HS3ST4: variants seen among roughly 807,000 people sequenced by gnomAD.
The protein encoded by HS3ST4 is heparan sulfate-glucosamine 3-sulfotransferase 4, also known as heparan sulfate glucosamine 3-O-sulfotransferase 4.
In HS3ST4, 17 loss-of-function variants were observed where a neutral mutation model predicts 29.2. The ratio of observed to expected loss-of-function variants is 0.58; its 90% confidence interval spans 0.40 to 0.87. HS3ST4 has a LOEUF of 0.87. Among genes scored for constraint, HS3ST4 ranks in the 40% least tolerant of loss-of-function variants. HS3ST4 has a pLI of 0.00. For missense variants in HS3ST4, 627 were observed against 634.5 expected (o/e 0.99, Z 0.13); for synonymous variants, 314 against 285.7 (o/e 1.10, Z -1.00).
At chr16:26,067,236 C>T (rs12448783) in intron 1 of HS3ST4, among the ~76,000 whole-genome samples, 2,379 of 152,176 alleles carry the variant, frequency 0.016, 23 homozygotes, top group Non-Finnish European at 0.026. Context: ...CAAAGTCTCC[C>T]GCTCTTAGTC....
In HS3ST4 at chr16:25,913,662, G is replaced by A. The variant is rs553456945; in HGVS notation, c.734+220511G>A. On this transcript the variant is annotated intron_variant, in intron 1 of 1. Transcript: ENST00000331351. ...TTTGCAGGGTAGAGAAGAAAGGAAG[G>A]GTTACTAGGTTGAGAGAAAATGGAA... Among the ~76,000 whole-genome samples, 62 of 152,284 alleles carry A rather than the reference G, an allele frequency of 4.1e-4. 1 individual carries two copies. Among genetic ancestry groups the A allele is most frequent in the African/African-American group, 1.4e-3 (60 of 41,558 alleles).
chr16:25,895,572 A>G (rs1028688527), intron 1 of HS3ST4, among the ~76,000 whole-genome samples: 38 of 152,166 alleles, frequency 2.5e-4, no homozygotes, highest in Middle Eastern at 3.4e-3. Context: ...CTGTAACTGG[A>G]TGCTGTGGAC....
intron 1 of HS3ST4, among the ~76,000 whole-genome samples, chr16:25,996,002 GA>G (rs61447217): frequency 0.23 from 26,847 of 118,960 alleles, 2,409 homozygotes; most frequent in Middle Eastern, 0.26. Context: ...CTTCCTCCTT[GA>G]AAAAAAAAAA....
chr16:25,913,119 T>C (rs1372486688), intron 1 of HS3ST4, among the ~76,000 whole-genome samples: 1 of 152,226 alleles, frequency 6.6e-6, no homozygotes, highest in Non-Finnish European at 1.5e-5. Context: ...TTGGGATCCG[T>C]AGAAAGGCAG....
At chr16:25,745,994 C>T (rs982448035) in intron 1 of HS3ST4, among the ~76,000 whole-genome samples, 1 of 152,192 alleles carries the variant, frequency 6.6e-6, no homozygotes, top group East Asian at 1.9e-4. Flanking sequence ...TTAAGTTATC[C>T]TCCAGATCTT....
At chr16:25,749,002 T>C (rs1399473902) in intron 1 of HS3ST4, among the ~76,000 whole-genome samples, 1 of 152,200 alleles carries the variant, frequency 6.6e-6, no homozygotes, top group African/African-American at 2.4e-5. Context: ...CATTCCAGAG[T>C]TCGCCTATAG....
chr16:26,098,397 T>G (rs1176386698), intron 1 of HS3ST4, among the ~76,000 whole-genome samples: 1 of 152,166 alleles, frequency 6.6e-6, no homozygotes, highest in African/African-American at 2.4e-5. Context: ...TGGAATACTA[T>G]GCAGCCGTAA....
chr16:25,919,064 C>A (rs1048206193), intron 1 of HS3ST4, among the ~76,000 whole-genome samples: 1 of 152,106 alleles, frequency 6.6e-6, no homozygotes, highest in African/African-American at 2.4e-5. Flanking sequence ...CTCTCTTTGT[C>A]CCCCAGGCTG....
At chr16:25,839,190 A>G (rs558095480) in intron 1 of HS3ST4, among the ~76,000 whole-genome samples, 2 of 152,262 alleles carry the variant, frequency 1.3e-5, no homozygotes, top group Non-Finnish European at 2.9e-5. Context: ...TTCTTGGAAC[A>G]AAGATAATAT....
intron 1 of HS3ST4, among the ~76,000 whole-genome samples, chr16:26,109,057 A>G (rs1328770883): frequency 6.6e-6 from 1 of 152,158 alleles, no homozygotes; most frequent in Non-Finnish European, 1.5e-5. Flanking sequence ...GGCCTAAATT[A>G]AGTGTGGGAT....
chr16:26,091,728 G>T (rs2141789906), intron 1 of HS3ST4, among the ~76,000 whole-genome samples: 1 of 152,308 alleles, frequency 6.6e-6, no homozygotes, highest in Non-Finnish European at 1.5e-5. Flanking sequence ...ACTTAGGGAG[G>T]AAGAGAAGAA....
intron 1 of HS3ST4, among the ~76,000 whole-genome samples, chr16:26,059,247 GT>G (rs1489981336): frequency 1.3e-5 from 2 of 151,732 alleles, no homozygotes; most frequent in Non-Finnish European, 2.9e-5. Context: ...TATTTGGGCT[GT>G]TTTTTCCCTT....
chr16:25,740,590 T>C (rs1966645303), intron 1 of HS3ST4, among the ~76,000 whole-genome samples: 1 of 152,198 alleles, frequency 6.6e-6, no homozygotes, highest in South Asian at 2.1e-4. Context: ...GGGAATCATT[T>C]AGATTTTGTG....
At chr16:26,046,277 A>G (rs1474609330) in intron 1 of HS3ST4, among the ~76,000 whole-genome samples, 1 of 150,608 alleles carries the variant, frequency 6.6e-6, no homozygotes, top group Non-Finnish European at 1.5e-5. Context: ...CAGCCTCCTG[A>G]GTAGCTGGGA....
chr16:25,848,981 A>G (rs930415007), intron 1 of HS3ST4, among the ~76,000 whole-genome samples: 2 of 152,290 alleles, frequency 1.3e-5, no homozygotes, highest in African/African-American at 4.8e-5. Context: ...GTTCGTTTCT[A>G]AACAGGTTGT....
chr16:25,736,038 T>C (rs11641372), intron 1 of HS3ST4, among the ~76,000 whole-genome samples: 1 of 152,218 alleles, frequency 6.6e-6, no homozygotes, highest in Non-Finnish European at 1.5e-5. Context: ...CACCAAGTTC[T>C]ACCTAACTTT....
intron 1 of HS3ST4, among the ~76,000 whole-genome samples, chr16:26,098,733 TA>T (rs113254267): frequency 0.019 from 2,819 of 146,608 alleles, 79 homozygotes; most frequent in African/African-American, 0.064. Context: ...TAAAGTATAA[TA>T]AAAAAAAAAG....
chr16:25,838,975 G>C (rs1212565507), intron 1 of HS3ST4, among the ~76,000 whole-genome samples: 1 of 152,164 alleles, frequency 6.6e-6, no homozygotes, highest in Non-Finnish European at 1.5e-5. Context: ...TTGGCCTTTG[G>C]TTAAGGGGAT....
chr16:26,136,145 A>C lies in HS3ST4; in HGVS notation c.1268A>C (p.Asp423Ala), dbSNP rs1898281544. 3 of 1,613,314 alleles carry C rather than the reference A, an allele frequency of 1.9e-6. No homozygotes were observed. Among genetic ancestry groups the C allele is most frequent in the South Asian group, 1.1e-5 (1 of 90,952 alleles). ...KGRTHPRIDPDVIHRLRKFYK... is the reference protein window; with the variant it reads ...KGRTHPRIDPAVIHRLRKFYK... Reference sequence around the variant, plus strand: ...CGGACTCATCCTCGCATTGACCCAGATGTCATCCACAGACTGAGGAAATTC... The same window carrying C: ...CGGACTCATCCTCGCATTGACCCAGCTGTCATCCACAGACTGAGGAAATTC... Residue 423 changes from aspartate (D) to alanine (A), a missense_variant, in exon 2 of 2, where the codon GAT becomes GCT. Around this residue, in one of 2 missense-constraint regions of HS3ST4, gnomAD observed 225 missense variants for 293.7 expected, o/e 0.77. Coordinates refer to ENST00000331351, the MANE Select transcript of HS3ST4 (RefSeq NM_006040.3).
Sources: gnomAD v4.1 joint callset for allele counts (sites outside exome capture counted in the v4.1 genomes callset) on GRCh38, gnomAD v4.1.1 for gene constraint, gnomAD v4.1.1 regional missense constraint, MANE v1.5 for transcripts, NCBI Gene and HGNC (gene_info 2026-07-23, HGNC 2026-07-21) for gene names.